MAPK10: variants seen among roughly 807,000 people sequenced by gnomAD.
MAPK10 encodes JNK3 alpha protein kinase.
In MAPK10, 25 loss-of-function variants were observed where a neutral mutation model predicts 59.3. The ratio of observed to expected loss-of-function variants is 0.42; its 90% CI spans 0.31 to 0.59. The LOEUF (loss-of-function observed/expected upper bound fraction) is 0.59, where lower values mean the gene tolerates loss of function less well. Among genes scored for constraint, MAPK10 ranks in the 20% least tolerant of loss-of-function variants. The pLI, the probability that MAPK10 is intolerant of heterozygous loss-of-function variation, is 0.15. For missense variants in MAPK10, 351 were observed against 568.9 expected (o/e 0.62, Z 3.90); for synonymous variants, 190 against 200.5 (o/e 0.95, Z 0.44).
At chr4:86,467,336 G>A (rs1752289889) in intron 1 of MAPK10, among the ~76,000 whole-genome samples, 1 of 152,196 alleles carries the variant, frequency 6.6e-6, no homozygotes, top group Non-Finnish European at 1.5e-5. Context: ...TGACTTTGCA[G>A]AGAAAGATAA....
intron 4 of MAPK10, among the ~76,000 whole-genome samples, chr4:86,158,710 G>C (rs2068605501): frequency 6.6e-6 from 1 of 151,722 alleles, no homozygotes; most frequent in Non-Finnish European, 1.5e-5. Context: ...AGAGTCTTAG[G>C]TAAATCAGAT....
At chr4:86,528,742 C>T (rs61183223) in intron 1 of MAPK10, among the ~76,000 whole-genome samples, 4,374 of 152,230 alleles carry the variant, frequency 0.029, 223 homozygotes, top group African/African-American at 0.099. Context: ...CCAGTAAATG[C>T]CCCAAACTTT....
chr4:86,227,061 G>T (rs1002574744), intron 2 of MAPK10, among the ~76,000 whole-genome samples: 10 of 152,052 alleles, frequency 6.6e-5, no homozygotes, highest in African/African-American at 2.4e-4. Context: ...AATTTGTCTT[G>T]TCAGTCATGG....
At chr4:86,511,845 C>A (rs1756295144) in intron 1 of MAPK10, among the ~76,000 whole-genome samples, 3 of 131,988 alleles carry the variant, frequency 2.3e-5, no homozygotes, top group Admixed American at 8.5e-5. Context: ...AAGGAAGGAG[C>A]AGGAATGAAG....
chr4:86,101,034 C>A lies in MAPK10; in HGVS notation c.730+18G>T. The A allele has an allele frequency of 6.2e-7, 1 of 1,610,944 alleles. No individual in the cohort carries two copies. Among genetic ancestry groups the A allele is most frequent in the South Asian group, 1.1e-5 (1 of 90,824 alleles). ...TTTCATTCATGGTTTTGATGCTGCT[C>A]TCCCGAAGCATCCCTACCGTTCTCC... On this transcript the variant is annotated intron_variant, in intron 8 of 13. Transcript: ENST00000641462.
intron 1 of MAPK10, among the ~76,000 whole-genome samples, chr4:86,481,564 C>T (rs1176565270): frequency 6.6e-6 from 1 of 152,056 alleles, no homozygotes; most frequent in Non-Finnish European, 1.5e-5. Context: ...TGTTCTCATC[C>T]ATTATTTGAG....
intron 2 of MAPK10, among the ~76,000 whole-genome samples, chr4:86,324,406 A>G (rs1420920471): frequency 6.6e-6 from 1 of 151,264 alleles, no homozygotes; most frequent in African/African-American, 2.4e-5. Flanking sequence ...AGCAAGGGAA[A>G]CTCCACCTCA....
chr4:86,105,990 A>T (rs1327312533), intron 5 of MAPK10, among the ~76,000 whole-genome samples: 2 of 152,154 alleles, frequency 1.3e-5, no homozygotes, highest in East Asian at 3.8e-4. Flanking sequence ...CTTATTGTGG[A>T]TCGCCTTGCT....
chr4:86,223,588 C>T (rs2090067839), intron 2 of MAPK10, among the ~76,000 whole-genome samples: 1 of 152,148 alleles, frequency 6.6e-6, no homozygotes, highest in East Asian at 1.9e-4. Flanking sequence ...CTCCTTGCTA[C>T]AAAGACAAAC....
At chr4:86,341,656 G>A (rs1724995435) in intron 2 of MAPK10, among the ~76,000 whole-genome samples, 1 of 151,986 alleles carries the variant, frequency 6.6e-6, no homozygotes, top group South Asian at 2.1e-4. Context: ...GATTTTTGTG[G>A]ATATTTTAGA....
At chr4:86,428,055 C>T (rs1020990095) in intron 1 of MAPK10, among the ~76,000 whole-genome samples, 1 of 151,850 alleles carries the variant, frequency 6.6e-6, no homozygotes, top group African/African-American at 2.4e-5. Flanking sequence ...TTGAGCTCAG[C>T]AGATGAGGTT....
At chr4:86,588,909 A>G (rs75917966) in intron 1 of MAPK10, among the ~76,000 whole-genome samples, 6,491 of 152,294 alleles carry the variant, frequency 0.043, 193 homozygotes, top group Non-Finnish European at 0.05. Flanking sequence ...TTATATGGAA[A>G]TCTAAATGTT....
chr4:86,585,618 T>G (rs1013500540), intron 1 of MAPK10, among the ~76,000 whole-genome samples: 1 of 152,228 alleles, frequency 6.6e-6, no homozygotes, highest in African/African-American at 2.4e-5. Flanking sequence ...TTCTCTACTT[T>G]AACTTTTTAG....
chr4:86,589,527 C>G (rs1481941388), intron 1 of MAPK10, among the ~76,000 whole-genome samples: 1 of 151,856 alleles, frequency 6.6e-6, no homozygotes, highest in African/African-American at 2.4e-5. Context: ...ACTAAAAATA[C>G]AAAAATTAGC....
At chr4:86,331,946 T>A (rs1377080383) in intron 2 of MAPK10, among the ~76,000 whole-genome samples, 1 of 152,208 alleles carries the variant, frequency 6.6e-6, no homozygotes, top group African/African-American at 2.4e-5. Context: ...GCTGTGTTTA[T>A]AACTACATTT....
intron 1 of MAPK10, among the ~76,000 whole-genome samples, chr4:86,575,044 G>A (rs530208141): frequency 2.0e-5 from 3 of 152,266 alleles, no homozygotes; most frequent in African/African-American, 7.2e-5. Context: ...GCCCTTCCCA[G>A]TGTGGGTGGG....
intron 1 of MAPK10, among the ~76,000 whole-genome samples, chr4:86,511,669 A>T (rs1756263302): frequency 6.7e-6 from 1 of 150,106 alleles, no homozygotes; most frequent in Admixed American, 6.7e-5. Flanking sequence ...GAGGAGGAAG[A>T]GGAAGAAGAA....
At chr4:86,131,358 T>A (rs566469913) in intron 4 of MAPK10, among the ~76,000 whole-genome samples, 4 of 152,248 alleles carry the variant, frequency 2.6e-5, no homozygotes, top group African/African-American at 9.6e-5. Flanking sequence ...ACATGAAGAA[T>A]TATTACTGCA....
chr4:86,347,006 A>T (rs1728646313), intron 2 of MAPK10, among the ~76,000 whole-genome samples: 1 of 152,182 alleles, frequency 6.6e-6, no homozygotes, highest in Non-Finnish European at 1.5e-5. Flanking sequence ...CTTAAGATTT[A>T]TAAGTGACTT....
Sources: allele counts gnomAD v4.1 joint callset (sites outside exome capture counted in the v4.1 genomes callset), GRCh38; gene constraint gnomAD v4.1.1; transcripts MANE v1.5; gene names NCBI Gene and HGNC (gene_info 2026-07-23, HGNC 2026-07-21).